The following RNLS variants were observed in gnomAD, a reference collection of about 807,000 sequenced individuals.
RNLS encodes renalase, FAD dependent amine oxidase, also known as renalase.
Under a neutral mutation model 39.8 loss-of-function variants are expected in RNLS, and 39 were observed. That is an observed-to-expected ratio of 0.98 (90% CI 0.76 to 1.28). The LOEUF (loss-of-function observed/expected upper bound fraction) is 1.28, where lower values mean the gene tolerates loss of function less well. Among genes scored for constraint, RNLS ranks in the 50% most tolerant of loss-of-function variants. RNLS has a pLI of 0.00. For synonymous variants in RNLS, 147 were observed against 150.7 expected, an observed-to-expected ratio of 0.98 and a Z score of 0.18; for missense variants, 410 against 413.3, an observed-to-expected ratio of 0.99 and a Z score of 0.07.
intron 4 of RNLS, among the ~76,000 whole-genome samples, chr10:88,517,862 A>C (rs555430191): frequency 6.6e-5 from 10 of 152,074 alleles, no homozygotes; most frequent in African/African-American, 1.9e-4. Flanking sequence ...TTGAAAAGGA[A>C]CACTGAATTT....
intron 4 of RNLS, among the ~76,000 whole-genome samples, chr10:88,520,511 T>C (rs967955699): frequency 6.6e-6 from 1 of 151,972 alleles, no homozygotes; most frequent in African/African-American, 2.4e-5. Flanking sequence ...GACACCATGA[T>C]AGCCACATAA....
chr10:88,287,129 A>T (rs1403655248), intron 6 of RNLS, among the ~76,000 whole-genome samples: 1 of 152,120 alleles, frequency 6.6e-6, no homozygotes, highest in African/African-American at 2.4e-5. Flanking sequence ...AAAGTTTGCC[A>T]TAGATATTTT....
intron 6 of RNLS, among the ~76,000 whole-genome samples, chr10:88,310,076 A>C (rs1366081120): frequency 6.6e-6 from 1 of 152,052 alleles, no homozygotes; most frequent in East Asian, 1.9e-4. Flanking sequence ...TTAGCCGCAG[A>C]TGGGGTGGAG....
intron 4 of RNLS, among the ~76,000 whole-genome samples, chr10:88,429,245 G>A (rs1468736143): frequency 1.3e-5 from 2 of 151,912 alleles, no homozygotes; most frequent in Non-Finnish European, 2.9e-5. Flanking sequence ...TTACTCATAT[G>A]TAAGATGGAC....
At chr10:88,510,395 G>A (rs999486073) in intron 4 of RNLS, among the ~76,000 whole-genome samples, 1 of 151,980 alleles carries the variant, frequency 6.6e-6, no homozygotes, top group Admixed American at 6.6e-5. Flanking sequence ...TTTTTTAATA[G>A]TGTCCCTTAA....
At chr10:88,577,702 G>GA (rs1850293532) in intron 3 of RNLS, among the ~76,000 whole-genome samples, 2 of 152,152 alleles carry the variant, frequency 1.3e-5, no homozygotes, top group Admixed American at 6.5e-5. Context: ...TATTAATGGA[G>GA]AAGGCAGGCA....
chr10:88,349,667 C>T (rs1226685413), intron 5 of RNLS, among the ~76,000 whole-genome samples: 1 of 151,560 alleles, frequency 6.6e-6, no homozygotes, highest in Non-Finnish European at 1.5e-5. Context: ...TAATTTGTGC[C>T]TATTAATTTA....
chr10:88,231,059 A>G, the RNLS span, among the ~76,000 whole-genome samples: 1 of 152,012 alleles, frequency 6.6e-6, no homozygotes, highest in Non-Finnish European at 1.5e-5. Context: ...ACCCTCAATT[A>G]CTGCAATTTC....
intron 4 of RNLS, among the ~76,000 whole-genome samples, chr10:88,560,014 T>C (rs1849085659): frequency 6.6e-6 from 1 of 152,128 alleles, no homozygotes; most frequent in Admixed American, 6.6e-5. Flanking sequence ...TGTATAAATA[T>C]GTGATGATCA....
intron 4 of RNLS, among the ~76,000 whole-genome samples, chr10:88,470,470 T>C (rs1254523350): frequency 6.6e-6 from 1 of 152,182 alleles, no homozygotes; most frequent in Non-Finnish European, 1.5e-5. Context: ...CATCACTTAG[T>C]GTATTTGGGA....
chr10:88,299,864 G>T (rs1844386291), intron 6 of RNLS, among the ~76,000 whole-genome samples: 1 of 152,126 alleles, frequency 6.6e-6, no homozygotes, highest in Non-Finnish European at 1.5e-5. Context: ...CTCATTTAAA[G>T]TAAAGATAAT....
At position 88,507,725 on chromosome 10, in the gene RNLS, T is replaced by C. The variant is rs186284952; in HGVS notation, c.526+65178A>G. The stretch of plus-strand genomic sequence containing the variant: ...TGATAGTTTTTGAAGTACTTTCCAA[T>C]GTAAACTTCAAAAGATCATAATGAA... On this transcript the variant is annotated intron_variant, in intron 4 of 6. Coordinates refer to ENST00000331772, the MANE Select transcript of RNLS (RefSeq NM_001031709.3). Among the ~76,000 whole-genome samples, 6 of 152,288 alleles carry C rather than the reference T, an allele frequency of 3.9e-5. No homozygotes were observed. The East Asian group carries it at 7.7e-4, about 20-fold the overall frequency.
At chr10:88,379,477 A>G (rs792219) in intron 4 of RNLS, among the ~76,000 whole-genome samples, 41,631 of 152,038 alleles carry the variant, frequency 0.27, 6,640 homozygotes, top group Non-Finnish European at 0.37. Flanking sequence ...TCTTTTTCCC[A>G]ATGAATGAAT....
chr10:88,309,507 G>C (rs1025390816), intron 6 of RNLS: 1 of 1,232,996 alleles, frequency 8.1e-7, no homozygotes, highest in Non-Finnish European at 1.1e-6. Context: ...TTCAGCCATT[G>C]CACATTTCCC....
At chr10:88,569,114 G>A (rs1363139141) in intron 4 of RNLS, among the ~76,000 whole-genome samples, 4 of 152,142 alleles carry the variant, frequency 2.6e-5, no homozygotes, top group Non-Finnish European at 5.9e-5. Flanking sequence ...ATAATATGGT[G>A]TACCCTTCTA....
At chr10:88,495,922 CAG>C (rs1195397997) in intron 4 of RNLS, among the ~76,000 whole-genome samples, 3 of 151,962 alleles carry the variant, frequency 2.0e-5, no homozygotes, top group Non-Finnish European at 2.9e-5. Context: ...GAAAAAAAGA[CAG>C]AACATATTTG....
chr10:88,474,692 G>T (rs1290881164), intron 4 of RNLS, among the ~76,000 whole-genome samples: 2 of 152,174 alleles, frequency 1.3e-5, no homozygotes, highest in Non-Finnish European at 2.9e-5. Context: ...TAGTGTCTCT[G>T]TGTAGCAAAT....
intron 3 of RNLS, among the ~76,000 whole-genome samples, chr10:88,580,066 G>C (rs928432371): frequency 1.3e-5 from 2 of 152,152 alleles, no homozygotes; most frequent in Admixed American, 1.3e-4. Context: ...TGAGTCTTGA[G>C]CCTGCCAGCC....
intron 4 of RNLS, among the ~76,000 whole-genome samples, chr10:88,436,611 T>C (rs1841428883): frequency 6.6e-6 from 1 of 152,222 alleles, no homozygotes; most frequent in South Asian, 2.1e-4. Context: ...CAGACCATTA[T>C]ATGCATCCAC....
Sources: gnomAD v4.1 joint callset for allele counts (sites outside exome capture counted in the v4.1 genomes callset) on GRCh38, gnomAD v4.1.1 for gene constraint, MANE v1.5 for transcripts, NCBI Gene and HGNC (gene_info 2026-07-23, HGNC 2026-07-21) for gene names.